Variants in CFAP251 observed in about 807,000 individuals in gnomAD.
The protein encoded by CFAP251 is cilia and flagella associated protein 251.
CFAP251 carries 93 observed loss-of-function variants against 126.7 expected under a neutral mutation model. That is an observed-to-expected ratio of 0.73 (90% CI 0.62 to 0.87). The LOEUF is 0.87. Ranked by LOEUF, CFAP251 falls within the 40% of genes least tolerant of loss-of-function variation. The pLI, the probability that CFAP251 is intolerant of heterozygous loss-of-function variation, is 0.00. For missense variants in CFAP251, 1,287 were observed against 1,389.2 expected, an observed-to-expected ratio of 0.93 and a Z score of 1.17; for synonymous variants, 503 against 506.9, an observed-to-expected ratio of 0.99 and a Z score of 0.10.
intron 5 of CFAP251, 76 bp downstream of exon 5, chr12:121,934,432 G>A: frequency 3.5e-6 from 4 of 1,129,494 alleles, no homozygotes; most frequent in Non-Finnish European, 5.2e-6. Flanking sequence ...GTGACAGAAT[G>A]AGCAATGCCA....
intron 8 of CFAP251, 121 bp from the exon 9 acceptor site, chr12:121,951,359 C>A: frequency 1.8e-6 from 1 of 549,472 alleles, no homozygotes; most frequent in Admixed American, 2.9e-5. Flanking sequence ...GTTCTCTTAC[C>A]TGTAGAAACT....
chr12:121,944,061 C>T (rs373150872), intron 7 of CFAP251, among the ~76,000 whole-genome samples: 142 of 152,246 alleles, frequency 9.3e-4, no homozygotes, highest in African/African-American at 2.9e-3. Flanking sequence ...GCCAAGGACA[C>T]CCAGAAAGTT....
At position 121,975,547 on chromosome 12, in the gene CFAP251, A is replaced by G; in HGVS notation, c.2868A>G (p.Leu956=). ...GGREGKFYRE[L]EDYFYYSQLR... is the part of the protein sequence containing the mutation. Reference sequence around the variant, plus strand: ...TCCGTTGTATTCCTACATAGGAGCTAGAAGACTACTTCTACTATTCTCAGC... The same window carrying G: ...TCCGTTGTATTCCTACATAGGAGCTGGAAGACTACTTCTACTATTCTCAGC... The change falls in exon 19 of 22, where the codon CTA becomes CTG. Residue 956 remains leucine, a synonymous_variant. Transcript: ENST00000288912. The G allele has an allele frequency of 2.5e-6, 4 of 1,608,744 alleles. No individual in the cohort carries two copies. The highest frequency in any genetic ancestry group is 3.4e-6 in the Non-Finnish European group (4 of 1,178,702).
intron 14 of CFAP251, among the ~76,000 whole-genome samples, chr12:121,961,120 A>G (rs1299104498): frequency 6.6e-6 from 1 of 152,096 alleles, no homozygotes; most frequent in Non-Finnish European, 1.5e-5. Context: ...CTGCTACCTA[A>G]ATGTGAAAAC....
intron 9 of CFAP251, among the ~76,000 whole-genome samples, chr12:121,951,896 T>C (rs1298451401): frequency 6.6e-6 from 1 of 150,860 alleles, no homozygotes; most frequent in African/African-American, 2.4e-5. Context: ...TTTTTTGTAT[T>C]TTTTTTTAGT....
chr12:121,968,907 A>G, intron 17 of CFAP251: 1 of 985,416 alleles, frequency 1.0e-6, no homozygotes, highest in Non-Finnish European at 1.2e-6. Context: ...ATGAGCTCAG[A>G]ATCTTCCCTA....
chr12:122,001,610 G>T lies in CFAP251; in HGVS notation c.3337+12G>T. ...CTGCTCCGTCAAAGGTACCCCAGCT[G>T]GCTTTGTCTGGGCATGTAGCTGTGG... On this transcript the variant is annotated intron_variant, in intron 21 of 21. Coordinates refer to ENST00000288912, the MANE Select transcript of CFAP251 (RefSeq NM_144668.6). 6.2e-7 allele frequency: 1 copy of T among 1,608,468 alleles called. No individual in the cohort carries two copies.
intron 3 of CFAP251, 48 bp downstream of exon 3, chr12:121,924,038 CG>C: frequency 1.3e-6 from 2 of 1,527,300 alleles, no homozygotes; most frequent in East Asian, 4.5e-5. Flanking sequence ...GAGAGTGTTG[CG>C]CAATAGGGGA....
intron 15 of CFAP251, among the ~76,000 whole-genome samples, chr12:121,965,858 TG>T (rs1435243749): frequency 1.3e-5 from 2 of 149,664 alleles, no homozygotes; most frequent in African/African-American, 4.9e-5. Flanking sequence ...CTCACTCTGT[TG>T]CCCAGGCTGG....
chr12:121,989,537 C>G lies in CFAP251; in HGVS notation c.3007-10179C>G, dbSNP rs974137575. On this transcript the variant is annotated intron_variant, in intron 19 of 21. Coordinates refer to ENST00000288912, the MANE Select transcript of CFAP251 (RefSeq NM_144668.6). The surrounding 1 kb of genome is among the most constrained non-coding windows in gnomAD (Gnocchi z 4.2). ...ACAGGGGTCTCCAGATGTGGCCATG[C>G]AGTGACGCTGCCCAGCCCTTACGCC... Among the ~76,000 whole-genome samples the G allele has an allele frequency of 2.6e-5, 4 of 152,206 alleles. No individual in the cohort carries two copies. The highest frequency in any genetic ancestry group is 9.6e-5 in the African/African-American group (4 of 41,464).
In CFAP251 at chr12:121,989,061, G is replaced by A. The variant is rs1034321812; in HGVS notation, c.3007-10655G>A. Reference sequence around the variant, plus strand: ...CACATCACTTCTTCACTTGAGCTAGGAACCATCTGGGGCTTTAGGGTGCAT... The same window carrying A: ...CACATCACTTCTTCACTTGAGCTAGAAACCATCTGGGGCTTTAGGGTGCAT... On this transcript the variant is annotated intron_variant, in intron 19 of 21. Coordinates refer to ENST00000288912, the MANE Select transcript of CFAP251 (RefSeq NM_144668.6). This position sits in a 1 kb window ranked among gnomAD's most constrained non-coding sequence, Gnocchi z 4.2. 1.3e-5 allele frequency among the ~76,000 whole-genome samples: 2 copies of A among 152,134 alleles called. No individual in the cohort carries two copies. Among genetic ancestry groups the A allele is most frequent in the African/African-American group, 4.8e-5 (2 of 41,422 alleles).
chr12:121,972,577 C>G (rs1882363300), intron 17 of CFAP251, among the ~76,000 whole-genome samples: 1 of 152,038 alleles, frequency 6.6e-6, no homozygotes, highest in Non-Finnish European at 1.5e-5. Context: ...CAACCTCCAC[C>G]TCCCGGGTTC....
chr12:121,970,617 A>G (rs888865727), intron 17 of CFAP251, among the ~76,000 whole-genome samples: 21 of 152,182 alleles, frequency 1.4e-4, no homozygotes, highest in Non-Finnish European at 1.2e-4. Flanking sequence ...CAGGTTTTCA[A>G]TAAGTGTCAT....
chr12:122,001,081 G>T (rs1182027595), intron 20 of CFAP251, among the ~76,000 whole-genome samples: 1 of 131,040 alleles, frequency 7.6e-6, no homozygotes, highest in Non-Finnish European at 1.6e-5. Flanking sequence ...TTTTGAGACA[G>T]AGTCTCGCTC....
In CFAP251 at chr12:121,954,104, C is replaced by G. The variant is rs1881626892; in HGVS notation, c.1321-16C>G. On this transcript the variant is annotated splice_polypyrimidine_tract_variant and intron_variant, in intron 9 of 21. Coordinates refer to ENST00000288912, the MANE Select transcript of CFAP251 (RefSeq NM_144668.6). ...ATTTATTACCAACAGTAACTATAACCTTTCTTTTGAAACAGACCTTCAACA... is the reference window on the plus strand; with the variant it reads ...ATTTATTACCAACAGTAACTATAACGTTTCTTTTGAAACAGACCTTCAACA... 5 of 1,607,000 alleles carry G rather than the reference C, an allele frequency of 3.1e-6. No homozygotes were observed. Among genetic ancestry groups the G allele is most frequent in the Non-Finnish European group, 4.3e-6 (5 of 1,174,510 alleles).
chr12:121,998,482 T>G (rs112347775), intron 19 of CFAP251: 1 of 115,534 alleles, frequency 8.7e-6, no homozygotes, highest in Non-Finnish European at 1.7e-5. Flanking sequence ...TATATATATA[T>G]ATATATGATT....
At chr12:121,966,003 G>A (rs866057772) in intron 15 of CFAP251, among the ~76,000 whole-genome samples, 63 of 151,802 alleles carry the variant, frequency 4.2e-4, no homozygotes, top group Middle Eastern at 3.4e-3. Context: ...GCCCAGGCTG[G>A]ACTCGAACTC....
In CFAP251 at chr12:121,958,329, C is replaced by T. The variant is rs1394171220; in HGVS notation, c.1788C>T (p.Thr596=). ...AAVYHLTTDG[T]KLEKLFVEPK... is the part of the protein sequence containing the mutation. ...TGTACCACTTAACAACAGATGGGACCAAACTTGAGAAGTTATTTGTAGAGC... is the reference window on the plus strand; with the variant it reads ...TGTACCACTTAACAACAGATGGGACTAAACTTGAGAAGTTATTTGTAGAGC... The change falls in exon 12 of 22, where the codon ACC becomes ACT. Residue 596 remains threonine, a synonymous_variant. Coordinates refer to ENST00000288912, the MANE Select transcript of CFAP251 (RefSeq NM_144668.6). The T allele has an allele frequency of 9.9e-6, 16 of 1,614,030 alleles. No homozygotes were observed. Among genetic ancestry groups the T allele is most frequent in the African/African-American group, 1.3e-5 (1 of 74,898 alleles).
intron 7 of CFAP251, among the ~76,000 whole-genome samples, chr12:121,943,525 C>T (rs1003548907): frequency 3.3e-5 from 5 of 152,018 alleles, no homozygotes; most frequent in South Asian, 2.1e-4. Context: ...CAGGTTCAAG[C>T]GATTCTCCTG....
Sources: gnomAD v4.1 joint callset for allele counts (sites outside exome capture counted in the v4.1 genomes callset) on GRCh38, gnomAD v4.1.1 for gene constraint, Gnocchi (gnomAD v3.1) non-coding constraint, MANE v1.5 for transcripts, NCBI Gene and HGNC (gene_info 2026-07-23, HGNC 2026-07-21) for gene names.